NUFIP2: variants seen among roughly 807,000 people sequenced by gnomAD.
NUFIP2 encodes the protein nuclear FMR1 interacting protein 2.
In NUFIP2, 6 loss-of-function variants were observed where a neutral mutation model predicts 56.9. The ratio of observed to expected loss-of-function variants is 0.11; its 90% CI spans 0.06 to 0.21. The LOEUF is 0.21. Ranked by LOEUF, NUFIP2 falls within the 10% of genes least tolerant of loss-of-function variation. The pLI, the probability that NUFIP2 is intolerant of heterozygous loss-of-function variation, is 1.00. For synonymous variants in NUFIP2, 321 were observed against 298.2 expected (o/e 1.08, Z -0.79); for missense variants, 828 against 826.8 (o/e 1.00, Z -0.02).
intron 3 of NUFIP2, 54 bp from the exon 4 acceptor site, chr17:29,264,645 G>GTA: frequency 8.9e-7 from 1 of 1,127,414 alleles, no homozygotes; most frequent in South Asian, 1.3e-5. Context: ...CAAAATGCCC[G>GTA]TATTCCAATA....
rs771091374 is a variant in NUFIP2, at chr17:29,286,634, G to A, written c.1360C>T (p.Leu454Phe). Residue 454 changes from leucine to phenylalanine, a missense_variant, in exon 2 of 4, where the codon CTC (leucine) becomes TTC (phenylalanine). Coordinates refer to ENST00000225388, the MANE Select transcript of NUFIP2 (RefSeq NM_020772.3). ...GCTGAAGTTAGACTCATGTCCTGGAGAACTGAATCTGTCCCAGAAGAGATG... is the reference window on the plus strand; with the variant it reads ...GCTGAAGTTAGACTCATGTCCTGGAAAACTGAATCTGTCCCAGAAGAGATG... ...TPISSGTDSV[L>F]QDMSLTSAAV... 7.4e-6 allele frequency: 12 copies of A among 1,614,056 alleles called. No individual in the cohort carries two copies. Among genetic ancestry groups the A allele is most frequent in the South Asian group, 5.5e-5 (5 of 91,092 alleles).
intron 2 of NUFIP2, among the ~76,000 whole-genome samples, chr17:29,272,030 G>A (rs1321151765): frequency 2.4e-5 from 3 of 124,898 alleles, no homozygotes; most frequent in Non-Finnish European, 3.2e-5. Context: ...CCCAGATCAC[G>A]CCACTGCACT....
intron 2 of NUFIP2, among the ~76,000 whole-genome samples, chr17:29,270,831 AAG>A (rs747609171): frequency 4.6e-5 from 7 of 151,992 alleles, no homozygotes; most frequent in Non-Finnish European, 1.0e-4. Flanking sequence ...AGAAAAAAGA[AAG>A]AAAAGAAAAA....
rs918464786 is a variant in NUFIP2 at position 29,256,424 on chromosome 17, T to C, written c.*8115A>G. Reference sequence around the variant, plus strand: ...CATGCAATTAATATGGGTCACCTTTTAAGTCTTAACTGGATAACTTAGTTT... The same window carrying C: ...CATGCAATTAATATGGGTCACCTTTCAAGTCTTAACTGGATAACTTAGTTT... On this transcript the variant is annotated 3_prime_UTR_variant, in exon 4 of 4. Coordinates refer to ENST00000225388, the MANE Select transcript of NUFIP2 (RefSeq NM_020772.3). 6.6e-6 allele frequency: 1 copy of C among 152,212 alleles called. No homozygotes were observed. Among genetic ancestry groups the C allele is most frequent in the Non-Finnish European group, 1.5e-5 (1 of 68,036 alleles). 9.4% of individuals were successfully genotyped at this position (152,212 alleles called of 1,614,324 possible).
At chr17:29,285,128 C>T (rs1317991804) in intron 2 of NUFIP2, among the ~76,000 whole-genome samples, 8 of 151,934 alleles carry the variant, frequency 5.3e-5, no homozygotes, top group African/African-American at 1.2e-4. Context: ...CGGGGAAACC[C>T]GTGTCTACTG....
intron 2 of NUFIP2, among the ~76,000 whole-genome samples, chr17:29,280,098 G>A (rs555823225): frequency 6.6e-6 from 1 of 152,280 alleles, no homozygotes; most frequent in African/African-American, 2.4e-5. Flanking sequence ...GATTACAAGT[G>A]TGAGCCATGT....
intron 2 of NUFIP2, among the ~76,000 whole-genome samples, chr17:29,283,825 C>G (rs2069154489): frequency 6.6e-6 from 1 of 152,128 alleles, no homozygotes; most frequent in Admixed American, 6.5e-5. Flanking sequence ...CTAAAAACAA[C>G]CAACTCCTGT....
Position 29,266,140 on chromosome 17 carries a change from T to G in NUFIP2, c.2035+1358A>C, listed in dbSNP as rs562220033. Reference sequence around the variant, plus strand: ...GCATGTGCCACCACGCCTGGCTAACTGTTTTAATAGAAATGGGGTTTCACC... The same window carrying G: ...GCATGTGCCACCACGCCTGGCTAACGGTTTTAATAGAAATGGGGTTTCACC... On this transcript the variant is annotated intron_variant, in intron 3 of 3. Coordinates refer to ENST00000225388, the MANE Select transcript of NUFIP2 (RefSeq NM_020772.3). Among the ~76,000 whole-genome samples, 10 of 152,284 alleles carry G rather than the reference T, an allele frequency of 6.6e-5. No individual in the cohort carries two copies. The South Asian group carries it at 2.1e-3, about 32-fold the overall frequency.
At chr17:29,290,103 T>C (rs1411468971) in intron 1 of NUFIP2, among the ~76,000 whole-genome samples, 1 of 151,952 alleles carries the variant, frequency 6.6e-6, no homozygotes, top group Non-Finnish European at 1.5e-5. Context: ...CTGGCTGGTT[T>C]CGAACTCCTG....
intron 2 of NUFIP2, among the ~76,000 whole-genome samples, chr17:29,276,743 G>A (rs2069110695): frequency 6.6e-6 from 1 of 152,144 alleles, no homozygotes; most frequent in Non-Finnish European, 1.5e-5. Flanking sequence ...TTCTCACAGG[G>A]CTTGGTGCAG....
intron 2 of NUFIP2, among the ~76,000 whole-genome samples, chr17:29,278,428 A>G (rs952691580): frequency 2.6e-5 from 4 of 151,906 alleles, no homozygotes; most frequent in Admixed American, 2.6e-4. Context: ...TTGTATTTTT[A>G]GTAGAGACGG....
chr17:29,264,517 T>C lies in NUFIP2; in HGVS notation c.*22A>G. 6.3e-7 allele frequency: 1 copy of C among 1,580,348 alleles called. No individual in the cohort carries two copies. Among genetic ancestry groups the C allele is most frequent in the East Asian group, 2.2e-5 (1 of 44,670 alleles). On this transcript the variant is annotated 3_prime_UTR_variant, in exon 4 of 4. Coordinates refer to ENST00000225388, the MANE Select transcript of NUFIP2 (RefSeq NM_020772.3). ...GATGGCTCTAATGCTGCAGAAAGGT[T>C]ACGAATAGGCAGTCTGGTCCTTCAT...
At chr17:29,283,466 G>A (rs2153012238) in intron 2 of NUFIP2, among the ~76,000 whole-genome samples, 1 of 152,198 alleles carries the variant, frequency 6.6e-6, no homozygotes, top group Middle Eastern at 3.4e-3. Flanking sequence ...AGCCTCCCAA[G>A]TAGCTGGGAC....
At chr17:29,274,559 C>A (rs2069096055) in intron 2 of NUFIP2, among the ~76,000 whole-genome samples, 1 of 152,184 alleles carries the variant, frequency 6.6e-6, no homozygotes, top group Middle Eastern at 3.2e-3. Context: ...AGCTATAATG[C>A]AGAACCAAGT....
chr17:29,264,610 TAAATAA>T lies in NUFIP2; in HGVS notation c.2036-25_2036-20del. 1 of 1,464,324 alleles carries T rather than the reference TAAATAA, an allele frequency of 6.8e-7. No homozygotes were observed. Among genetic ancestry groups the T allele is most frequent in the Non-Finnish European group, 9.6e-7 (1 of 1,045,158 alleles). The allele number at this position is 1,464,324 out of a possible 1,614,324, so 90.7% of individuals were successfully genotyped here. ...TTGGGATCTAGAAAGGTTAAAAAAA[TAAATAA>T]AAATAAGGTCTAGAATCTCAAAATG... On this transcript the variant is annotated intron_variant, in intron 3 of 3. Transcript: ENST00000225388.
At chr17:29,284,692 G>A (rs1445984525) in intron 2 of NUFIP2, among the ~76,000 whole-genome samples, 2 of 99,054 alleles carry the variant, frequency 2.0e-5, no homozygotes, top group Admixed American at 1.4e-4. Flanking sequence ...GGTGACAAGA[G>A]TAAGACTCCA....
At chr17:29,293,675 A>C in intron 1 of NUFIP2, 108 bp downstream of exon 1, 3 of 1,224,760 alleles carry the variant, frequency 2.4e-6, no homozygotes, top group Non-Finnish European at 2.2e-6. Flanking sequence ...GAGGGGACAC[A>C]CACACACACA....
intron 2 of NUFIP2, among the ~76,000 whole-genome samples, chr17:29,283,441 T>C (rs1423932882): frequency 1.3e-5 from 2 of 152,134 alleles, no homozygotes; most frequent in Non-Finnish European, 2.9e-5. Flanking sequence ...CAGGGACAAG[T>C]GATCCTCCCT....
rs913482211 is a variant in NUFIP2 at position 29,262,965 on chromosome 17, A to G, written c.*1574T>C. On this transcript the variant is annotated 3_prime_UTR_variant, in exon 4 of 4. Transcript: ENST00000225388. ...ATACTACAGTCACTCAAAACTGGAC[A>G]TTTCTAGGGGTAGAGCCAAAGTAGT... is the stretch of plus-strand genomic sequence containing the variant. The G allele has an allele frequency of 1.3e-5, 2 of 152,558 alleles. No homozygotes were observed. The highest frequency in any genetic ancestry group is 2.9e-5 in the Non-Finnish European group (2 of 68,002). The allele number at this position is 152,558 out of a possible 1,614,324, so 9.5% of individuals were successfully genotyped here. A position where few individuals can be genotyped will look rare whatever the true frequency, so the allele number is the denominator to read the frequency against.
Sources: gnomAD v4.1 joint callset for allele counts (sites outside exome capture counted in the v4.1 genomes callset) on GRCh38, gnomAD v4.1.1 for gene constraint, MANE v1.5 for transcripts, NCBI Gene and HGNC (gene_info 2026-07-23, HGNC 2026-07-21) for gene names.